The following FAM53B variants were observed in gnomAD, a reference collection of about 807,000 sequenced individuals.
FAM53B encodes the protein family with sequence similarity 53 member B, also known as protein FAM53B.
In FAM53B, 12 loss-of-function variants were observed where a neutral mutation model predicts 32.7. That is an observed-to-expected ratio of 0.37 (90% CI 0.24 to 0.59). FAM53B has a LOEUF of 0.59. FAM53B is among the 20% of genes least tolerant of loss of function. The pLI is 0.72. For missense variants in FAM53B, 477 were observed against 577.7 expected (o/e 0.83, Z 1.79); for synonymous variants, 234 against 228.7 (o/e 1.02, Z -0.21).
intron 2 of FAM53B, among the ~76,000 whole-genome samples, chr10:124,697,252 T>C (rs908814934): frequency 5.3e-5 from 8 of 152,140 alleles, no homozygotes; most frequent in African/African-American, 1.9e-4. Flanking sequence ...AAAGGAGCTC[T>C]TAGCCCCAGA....
chr10:124,664,259 C>CAGCACCTCCATGGAGTCCCTGA (rs1324766533), intron 4 of FAM53B, among the ~76,000 whole-genome samples: 1 of 152,140 alleles, frequency 6.6e-6, no homozygotes, highest in Non-Finnish European at 1.5e-5. Context: ...GAGCAGCCTC[C>CAGCACCTCCATGGAGTCCCTGA]AGCACCTCCA....
chr10:124,681,635 G>C lies in FAM53B; in HGVS notation c.878C>G (p.Pro293Arg). ...RRPEEVQEQRPSLDLAKMAQN... is the reference protein window; with the variant it reads ...RRPEEVQEQRRSLDLAKMAQN... ...TGCCATCTTGGCAAGGTCTAGAGAA[G>C]GCCTCTGCTCTTGCACTTCTTCAGG... Residue 293 changes from proline (P) to arginine (R), a missense_variant, in exon 4 of 5, where the codon CCT (proline) becomes CGT (arginine). Around this residue, in one of 2 missense-constraint regions of FAM53B, gnomAD observed 312 missense variants for 420.2 expected, o/e 0.74. Transcript: ENST00000337318. 6.2e-7 allele frequency: 1 copy of C among 1,609,916 alleles called. No homozygotes were observed. The highest frequency in any genetic ancestry group is 8.5e-7 in the Non-Finnish European group (1 of 1,177,820).
intron 4 of FAM53B, among the ~76,000 whole-genome samples, chr10:124,679,660 C>T (rs563173423): frequency 3.9e-5 from 6 of 152,356 alleles, no homozygotes; most frequent in African/African-American, 1.4e-4. Context: ...TCTCTACTTT[C>T]CCTGTGCCCG....
rs1564858410 is a variant in FAM53B, at chr10:124,621,287, C to G, written c.*1955G>C. ...TGGCCATGTGCTCTCCACATTCACCCAACAACTGCCCTGGCCGCCTCCACA... is the reference window on the plus strand; with the variant it reads ...TGGCCATGTGCTCTCCACATTCACCGAACAACTGCCCTGGCCGCCTCCACA... On this transcript the variant is annotated 3_prime_UTR_variant, in exon 5 of 5. Transcript: ENST00000337318. 1 of 152,356 alleles carries G rather than the reference C, an allele frequency of 6.6e-6. No homozygotes were observed. The highest frequency in any genetic ancestry group is 2.4e-5 in the African/African-American group (1 of 41,476). The allele number at this position is 152,356 out of a possible 1,614,324, so 9.4% of individuals were successfully genotyped here.
chr10:124,724,427 C>A (rs1327320631), intron 1 of FAM53B, among the ~76,000 whole-genome samples: 1 of 152,168 alleles, frequency 6.6e-6, no homozygotes, highest in Admixed American at 6.5e-5. Context: ...CTCTGCGCAC[C>A]GGACAGCCAC....
intron 1 of FAM53B, among the ~76,000 whole-genome samples, chr10:124,710,895 T>A (rs1044237133): frequency 1.3e-5 from 2 of 152,230 alleles, no homozygotes; most frequent in Non-Finnish European, 2.9e-5. Context: ...CTTCCCACCA[T>A]GCCTCACCTC....
chr10:124,702,200 C>A (rs1347804897), intron 2 of FAM53B, among the ~76,000 whole-genome samples: 2 of 152,258 alleles, frequency 1.3e-5, no homozygotes, highest in African/African-American at 4.8e-5. Flanking sequence ...GCCTCCCCCA[C>A]AGTCATGCTT....
intron 4 of FAM53B, among the ~76,000 whole-genome samples, chr10:124,648,463 T>C (rs1159148984): frequency 2.6e-5 from 4 of 152,084 alleles, no homozygotes; most frequent in African/African-American, 9.7e-5. Flanking sequence ...TCATCACACA[T>C]CTCCCCGCTC....
chr10:124,685,291 T>A (rs1440411470), intron 3 of FAM53B, among the ~76,000 whole-genome samples: 1 of 152,184 alleles, frequency 6.6e-6, no homozygotes, highest in African/African-American at 2.4e-5. Context: ...TGAGAAAAAA[T>A]GTATTATCGA....
intron 4 of FAM53B, among the ~76,000 whole-genome samples, chr10:124,636,539 TC>T (rs1457869437): frequency 6.6e-6 from 1 of 152,060 alleles, no homozygotes; most frequent in Non-Finnish European, 1.5e-5. Flanking sequence ...AAGAGGGAGA[TC>T]CCAGGAAAAC....
rs573555322 is a variant in FAM53B, at chr10:124,651,847, G to T, written c.907-28243C>A. Reference sequence around the variant, plus strand: ...CTGGAACGTTCACGCCAGCCCCAGCGTCAGGACAACTGCGACTGAGGGCGG... The same window carrying T: ...CTGGAACGTTCACGCCAGCCCCAGCTTCAGGACAACTGCGACTGAGGGCGG... On this transcript the variant is annotated intron_variant, in intron 4 of 4. Coordinates refer to ENST00000337318, the MANE Select transcript of FAM53B (RefSeq NM_014661.4). The surrounding 1 kb of genome is among the most constrained non-coding windows in gnomAD (Gnocchi z 5.2). Among the ~76,000 whole-genome samples the T allele has an allele frequency of 6.6e-6, 1 of 152,224 alleles. No homozygotes were observed. Among genetic ancestry groups the T allele is most frequent in the Admixed American group, 6.5e-5 (1 of 15,286 alleles).
chr10:124,679,183 T>C (rs1367434185), intron 4 of FAM53B, among the ~76,000 whole-genome samples: 1 of 152,018 alleles, frequency 6.6e-6, no homozygotes, highest in Non-Finnish European at 1.5e-5. Flanking sequence ...AGCCTACCCT[T>C]CCAAAGATAC....
Position 124,623,350 on chromosome 10 carries a change from A to G in FAM53B, c.1161T>C (p.Cys387=), listed in dbSNP as rs762925200. The change falls in exon 5 of 5, where the codon TGT becomes TGC. Residue 387 remains cysteine, a synonymous_variant. Coordinates refer to ENST00000337318, the MANE Select transcript of FAM53B (RefSeq NM_014661.4). ...CTGCAGCCGGCTCCGCTCTCCTGCC[A>G]CAATCCTCGTCCAGGGCGCAGCTGT... The part of the protein sequence containing the change: ...ESDSCALDED[C]GRRAEPAAAW... The G allele has an allele frequency of 6.2e-7, 1 of 1,612,690 alleles. No homozygotes were observed. The highest frequency in any genetic ancestry group is 1.7e-5 in the Admixed American group (1 of 60,012).
intron 1 of FAM53B, among the ~76,000 whole-genome samples, chr10:124,724,953 A>G (rs1950092833): frequency 6.6e-6 from 1 of 152,244 alleles, no homozygotes; most frequent in South Asian, 2.1e-4. Context: ...GGAGCTGCAG[A>G]AGGCAGAGTA....
chr10:124,666,654 G>A (rs1471658421), intron 4 of FAM53B, among the ~76,000 whole-genome samples: 1 of 152,170 alleles, frequency 6.6e-6, no homozygotes, highest in Non-Finnish European at 1.5e-5. Flanking sequence ...CATCTCCCCA[G>A]CCCTGCCCCG....
Position 124,689,678 on chromosome 10 carries a change from G to A in FAM53B, c.133+6480C>T, listed in dbSNP as rs535637691. On this transcript the variant is annotated intron_variant, in intron 3 of 4. Transcript: ENST00000337318. ...GAAGCTACTAAGGACAAAGATCGGG[G>A]TTCAGAGCCATTACCAGGGCCCTGC... 5.9e-5 allele frequency among the ~76,000 whole-genome samples: 9 copies of A among 152,390 alleles called. No individual in the cohort carries two copies. The East Asian group carries it at 1.2e-3, about 20-fold the overall frequency.
rs941534218 is a variant in FAM53B, at chr10:124,651,148, T to C, written c.907-27544A>G. On this transcript the variant is annotated intron_variant, in intron 4 of 4. Coordinates refer to ENST00000337318, the MANE Select transcript of FAM53B (RefSeq NM_014661.4). This position sits in a 1 kb window ranked among gnomAD's most constrained non-coding sequence, Gnocchi z 5.2. ...AGCACAGGGGCAAAGCCAAGCCTTC[T>C]GTCCTTGCCGGCCTCGGTTTCTCCC... 6.6e-6 allele frequency among the ~76,000 whole-genome samples: 1 copy of C among 152,258 alleles called. No individual in the cohort carries two copies. Among genetic ancestry groups the C allele is most frequent in the Admixed American group, 6.5e-5 (1 of 15,292 alleles).
rs1009509943 is a variant in FAM53B at position 124,682,760 on chromosome 10, G to A, written c.134-381C>T. On this transcript the variant is annotated intron_variant, in intron 3 of 4. Coordinates refer to ENST00000337318, the MANE Select transcript of FAM53B (RefSeq NM_014661.4). This position sits in a 1 kb window ranked among gnomAD's most constrained non-coding sequence, Gnocchi z 5.2. ...CCTGAACCCTGCCCCTGGCTGATGA[G>A]AGAGTCGGGACAAGACATCTGTTAA... Among the ~76,000 whole-genome samples, 1 of 152,252 alleles carries A rather than the reference G, an allele frequency of 6.6e-6. No individual in the cohort carries two copies. The highest frequency in any genetic ancestry group is 2.4e-5 in the African/African-American group (1 of 41,462).
At chr10:124,626,136 C>T (rs1467060059) in intron 4 of FAM53B, among the ~76,000 whole-genome samples, 1 of 152,254 alleles carries the variant, frequency 6.6e-6, no homozygotes. Flanking sequence ...TGCGAGCTGT[C>T]ATGTGAGGGG....
Sources: allele counts gnomAD v4.1 joint callset (sites outside exome capture counted in the v4.1 genomes callset), GRCh38; gene constraint gnomAD v4.1.1; regional missense constraint gnomAD v4.1.1; non-coding constraint Gnocchi (gnomAD v3.1); transcripts MANE v1.5; gene names NCBI Gene and HGNC (gene_info 2026-07-23, HGNC 2026-07-21).